TRMT11: variants seen among roughly 807,000 people sequenced by gnomAD.
The protein encoded by TRMT11 is tRNA (guanine(10)-N(2))-methyltransferase TRMT11.
TRMT11 carries 53 observed loss-of-function variants against 62.8 expected under a neutral mutation model. That is an observed-to-expected ratio of 0.84 (90% CI 0.68 to 1.06). The LOEUF (loss-of-function observed/expected upper bound fraction) is 1.06. Among genes scored for constraint, TRMT11 ranks in the 50% least tolerant of loss-of-function variants. The pLI, the probability that TRMT11 is intolerant of heterozygous loss-of-function variation, is 0.00. For missense variants in TRMT11, 556 were observed against 553.4 expected (o/e 1.00, Z -0.05); for synonymous variants, 188 against 190.3 (o/e 0.99, Z 0.10).
chr6:126,052,574 A>C (rs1562307410), intron 16 of TRMT11, among the ~76,000 whole-genome samples: 2 of 152,084 alleles, frequency 1.3e-5, no homozygotes, highest in South Asian at 4.2e-4. Context: ...ATATATCCTT[A>C]TGCATTTGGC....
At chr6:126,230,245 C>G in the TRMT11 span, among the ~76,000 whole-genome samples, 92 of 152,302 alleles carry the variant, frequency 6.0e-4, no homozygotes, top group African/African-American at 2.1e-3. Context: ...CACCCTCTTC[C>G]TAACAACTTC....
chr6:126,011,461 T>A, intron 9 of TRMT11, 44 bp downstream of exon 9: 1 of 1,531,706 alleles, frequency 6.5e-7, no homozygotes, highest in South Asian at 1.2e-5. Context: ...ATTCGTTTTG[T>A]AAAATCATTT....
chr6:126,066,361 C>A (rs1234911915), intron 17 of TRMT11, among the ~76,000 whole-genome samples: 5 of 152,210 alleles, frequency 3.3e-5, no homozygotes, highest in Non-Finnish European at 7.3e-5. Context: ...AATACCCATT[C>A]CTTACCGTTC....
intron 21 of TRMT11, among the ~76,000 whole-genome samples, chr6:126,151,846 C>CTTTCTTTA (rs1778051813): frequency 7.7e-6 from 1 of 130,670 alleles, no homozygotes; most frequent in Non-Finnish European, 1.6e-5. Context: ...TTCTTTCTTT[C>CTTTCTTTA]TTTCTTTCTT....
intron 21 of TRMT11, among the ~76,000 whole-genome samples, chr6:126,170,247 C>T (rs147041529): frequency 6.6e-6 from 1 of 152,164 alleles, no homozygotes; most frequent in East Asian, 1.9e-4. Flanking sequence ...TATTCTCTTA[C>T]CATGCATTCA....
chr6:126,093,585 G>GTGTATATATATATATATATA (rs1313520779), intron 17 of TRMT11, among the ~76,000 whole-genome samples: 9 of 46,666 alleles, frequency 1.9e-4, no homozygotes, highest in Non-Finnish European at 3.0e-4. Flanking sequence ...GGATATGTAT[G>GTGTATATATATATATATATA]TATATATATA....
chr6:126,012,605 T>G (rs937043937), intron 9 of TRMT11, among the ~76,000 whole-genome samples, 166 bp from the exon 10 acceptor site: 26 of 152,206 alleles, frequency 1.7e-4, no homozygotes, highest in African/African-American at 6.0e-4. Flanking sequence ...AAGAAGACAG[T>G]TGCTCCTCTC....
At chr6:126,078,367 C>G (rs1041499734) in intron 17 of TRMT11, among the ~76,000 whole-genome samples, 2 of 151,914 alleles carry the variant, frequency 1.3e-5, no homozygotes, top group African/African-American at 4.8e-5. Flanking sequence ...TCATCTCTAA[C>G]TGCATCTGGT....
intron 9 of TRMT11, among the ~76,000 whole-genome samples, chr6:126,012,489 C>A (rs1030441593): frequency 6.6e-6 from 1 of 152,210 alleles, no homozygotes; most frequent in Non-Finnish European, 1.5e-5. Flanking sequence ...ACAGGATCTA[C>A]TCTAGAGTCA....
the TRMT11 span, among the ~76,000 whole-genome samples, chr6:126,241,754 C>G: frequency 6.6e-6 from 1 of 152,160 alleles, no homozygotes; most frequent in Non-Finnish European, 1.5e-5. Flanking sequence ...ATGCTTCATA[C>G]TAAAAACTCT....
chr6:126,126,250 C>G (rs949088683), intron 21 of TRMT11, among the ~76,000 whole-genome samples: 1 of 152,028 alleles, frequency 6.6e-6, no homozygotes, highest in African/African-American at 2.4e-5. Flanking sequence ...ATATTTTTCC[C>G]AGATATTATA....
chr6:126,040,790 T>A (rs1208953552), downstream of TRMT11, among the ~76,000 whole-genome samples: 1 of 152,152 alleles, frequency 6.6e-6, no homozygotes, highest in Non-Finnish European at 1.5e-5. Context: ...ATCCATAAAC[T>A]CCAGACGGTT....
the TRMT11 span, among the ~76,000 whole-genome samples, chr6:126,246,734 G>T: frequency 3.9e-5 from 6 of 152,120 alleles, no homozygotes; most frequent in Non-Finnish European, 5.9e-5. Context: ...AGGGAGTAAG[G>T]TTTCTGGTTC....
chr6:126,029,233 ACT>A (rs1189429711), intron 12 of TRMT11, among the ~76,000 whole-genome samples: 4 of 152,150 alleles, frequency 2.6e-5, no homozygotes, highest in African/African-American at 9.7e-5. Flanking sequence ...TAAGAATCTA[ACT>A]CTGAGATTTT....
At chr6:126,207,515 C>T (rs1346299075), downstream of TRMT11, among the ~76,000 whole-genome samples, 1 of 152,170 alleles carries the variant, frequency 6.6e-6, no homozygotes, top group East Asian at 1.9e-4. Context: ...TTTCCCAGCT[C>T]TTAGTAGCCA....
intron 1 of TRMT11, among the ~76,000 whole-genome samples, chr6:126,187,258 G>A (rs1778537699): frequency 6.6e-6 from 1 of 151,028 alleles, no homozygotes; most frequent in African/African-American, 2.5e-5. Context: ...AGTGAATTTA[G>A]TCAAATTGCA....
the TRMT11 span, among the ~76,000 whole-genome samples, chr6:126,265,422 CT>C: frequency 6.6e-6 from 1 of 151,946 alleles, no homozygotes; most frequent in Non-Finnish European, 1.5e-5. Context: ...CTAATTTTTA[CT>C]GTTAAAATAA....
chr6:126,122,289 T>C (rs1397522962), intron 21 of TRMT11, among the ~76,000 whole-genome samples: 1 of 152,028 alleles, frequency 6.6e-6, no homozygotes, highest in Non-Finnish European at 1.5e-5. Context: ...CAGAAAATAA[T>C]ACCTCCAAAT....
At chr6:126,173,009 T>TA (rs1778347473), upstream of TRMT11, among the ~76,000 whole-genome samples, 2 of 152,282 alleles carry the variant, frequency 1.3e-5, no homozygotes, top group East Asian at 3.9e-4. Context: ...AGATATGTCA[T>TA]GAGGCCTCGC....
Sources: allele counts gnomAD v4.1 joint callset (sites outside exome capture counted in the v4.1 genomes callset), GRCh38; gene constraint gnomAD v4.1.1; transcripts MANE v1.5; gene names NCBI Gene and HGNC (gene_info 2026-07-23, HGNC 2026-07-21).